Variants in SFXN2 observed in about 807,000 individuals in gnomAD.
SFXN2 encodes sideroflexin-2.
Under a neutral mutation model 41.9 loss-of-function variants are expected in SFXN2, and 37 were observed. That is an observed-to-expected ratio of 0.88 (90% CI 0.68 to 1.16). SFXN2 has a LOEUF of 1.16. Among genes scored for constraint, SFXN2 ranks in the 50% most tolerant of loss-of-function variants. The probability of loss-of-function intolerance (pLI) is 0.00; values close to 1 mark genes in which losing one functional copy is unlikely to be tolerated. For missense variants in SFXN2, 386 were observed against 425.2 expected (o/e 0.91, Z 0.81); for synonymous variants, 150 against 156.7 (o/e 0.96, Z 0.32).
rs570576690 is a variant in SFXN2 at position 102,736,364 on chromosome 10, C to T, written c.869+455C>T. Among the ~76,000 whole-genome samples, 15 of 151,792 alleles carry T rather than the reference C, an allele frequency of 9.9e-5. No homozygotes were observed. In the South Asian group the frequency reaches 3.1e-3, roughly 32 times the overall value. ...CCTCCGCCTCCCAGTTCAAGTGATT[C>T]TCCTGCCTCAGCCTCCAGAGTAGCT... On this transcript the variant is annotated intron_variant, in intron 11 of 11. Transcript: ENST00000369893.
intron 5 of SFXN2, 37 bp from the exon 6 acceptor site, chr10:102,729,686 C>T (rs1168768948): frequency 6.2e-7 from 1 of 1,606,146 alleles, no homozygotes; most frequent in African/African-American, 1.3e-5. Flanking sequence ...TCTTCCAGCG[C>T]TTCTGAACAA....
chr10:102,732,070 C>A, intron 7 of SFXN2, 82 bp from the exon 8 acceptor site: 1 of 1,345,524 alleles, frequency 7.4e-7, no homozygotes, highest in South Asian at 1.3e-5. Flanking sequence ...CAGACTTGGC[C>A]ATGATGCTGA....
At chr10:102,735,324 T>C (rs1432781172) in intron 10 of SFXN2, among the ~76,000 whole-genome samples, 1 of 150,868 alleles carries the variant, frequency 6.6e-6, no homozygotes, top group Non-Finnish European at 1.5e-5. Flanking sequence ...CTCCTCCCCA[T>C]CCAAGTTGCT....
intron 10 of SFXN2, among the ~76,000 whole-genome samples, 158 bp from the exon 11 acceptor site, chr10:102,735,704 G>A (rs1321476950): frequency 2.0e-5 from 3 of 152,174 alleles, no homozygotes; most frequent in Admixed American, 1.3e-4. Context: ...GAGTATCCTC[G>A]CACTGCGGGA....
rs1182645834 is a variant in SFXN2 at position 102,739,013 on chromosome 10, T to A, written c.*1251T>A. ...AGGACACACAGCAATGCACAGCCACTTCCCTTCCCCAGCTTGGCTGCCCTA... is the reference window on the plus strand; with the variant it reads ...AGGACACACAGCAATGCACAGCCACATCCCTTCCCCAGCTTGGCTGCCCTA... On this transcript the variant is annotated 3_prime_UTR_variant, in exon 12 of 12. Coordinates refer to ENST00000369893, the MANE Select transcript of SFXN2 (RefSeq NM_178858.6). The A allele has an allele frequency of 6.6e-6, 1 of 152,650 alleles. No homozygotes were observed. The highest frequency in any genetic ancestry group is 6.5e-5 in the Admixed American group (1 of 15,286). 9.5% of individuals were successfully genotyped at this position (152,650 alleles called of 1,614,324 possible). A position where few individuals can be genotyped will look rare whatever the true frequency, so the allele number is the denominator to read the frequency against.
At chr10:102,729,958 C>T (rs1382535316) in intron 6 of SFXN2, 150 bp downstream of exon 6, 2 of 834,432 alleles carry the variant, frequency 2.4e-6, no homozygotes, top group East Asian at 5.3e-5. Context: ...ATTGGCAGCT[C>T]CCATGGTGAT....
At chr10:102,729,907 A>C in intron 6 of SFXN2, 99 bp downstream of exon 6, 1 of 1,333,636 alleles carries the variant, frequency 7.5e-7, no homozygotes, top group Non-Finnish European at 1.1e-6. Context: ...TGCGGTGGGC[A>C]TGGGGAGGGC....
chr10:102,717,749 GA>G (rs1442575481), intron 1 of SFXN2: 2 of 985,296 alleles, frequency 2.0e-6, no homozygotes, highest in African/African-American at 3.5e-5. Flanking sequence ...TTGATGCCAA[GA>G]GACCCAAGAA....
chr10:102,727,548 GGAA>G (rs1459760125), intron 3 of SFXN2: 1 of 165,028 alleles, frequency 6.1e-6, no homozygotes, highest in African/African-American at 2.4e-5. Flanking sequence ...CAAAACAATA[GGAA>G]GTCCCTTTCT....
intron 1 of SFXN2, among the ~76,000 whole-genome samples, chr10:102,719,137 C>T (rs2064464306): frequency 6.6e-6 from 1 of 150,732 alleles, no homozygotes; most frequent in Non-Finnish European, 1.5e-5. Flanking sequence ...GTTAGCCAGG[C>T]TGGTCTCAAA....
intron 1 of SFXN2, among the ~76,000 whole-genome samples, chr10:102,717,364 G>A (rs1174811906): frequency 1.3e-5 from 2 of 152,076 alleles, no homozygotes; most frequent in African/African-American, 2.4e-5. Flanking sequence ...ATCTGACCTC[G>A]TGATCCGTCC....
chr10:102,723,106 A>G (rs1331292938), intron 1 of SFXN2, among the ~76,000 whole-genome samples: 3 of 149,014 alleles, frequency 2.0e-5, no homozygotes, highest in Non-Finnish European at 4.5e-5. Flanking sequence ...TAATTTTTCT[A>G]TTTTTTGGTA....
At chr10:102,727,284 T>C (rs1194276530) in intron 3 of SFXN2, 127 bp downstream of exon 3, 1 of 1,019,326 alleles carries the variant, frequency 9.8e-7, no homozygotes, top group Admixed American at 2.7e-5. Context: ...CTATGCTACA[T>C]TCTTTGCTCG....
Position 102,726,627 on chromosome 10 carries a change from TG to T in SFXN2, c.-9del. 6.2e-7 allele frequency: 1 copy of T among 1,614,088 alleles called. No homozygotes were observed. The highest frequency in any genetic ancestry group is 8.5e-7 in the Non-Finnish European group (1 of 1,179,976). On this transcript the variant is annotated 5_prime_UTR_variant, in exon 2 of 12. Transcript: ENST00000369893. ...TGTCCCTTAGGTCCACAGTTTTATG[TG>T]TGAGCAAGATGGAGGCTGACCTGTC...
intron 2 of SFXN2, 35 bp from the exon 3 acceptor site, chr10:102,726,952 C>T: frequency 4.4e-6 from 7 of 1,586,814 alleles, no homozygotes; most frequent in Non-Finnish European, 6.0e-6. Context: ...ATTGATCAGG[C>T]AGGATGGTGA....
At chr10:102,719,676 T>C (rs1372570273) in intron 1 of SFXN2, among the ~76,000 whole-genome samples, 7 of 152,234 alleles carry the variant, frequency 4.6e-5, no homozygotes, top group Non-Finnish European at 8.8e-5. Context: ...CTCTGTTTCC[T>C]TTCAAGCCTG....
rs753287463 is a variant in SFXN2, at chr10:102,731,747, G to T, written c.618G>T (p.Val206=). 8 of 1,613,882 alleles carry T rather than the reference G, an allele frequency of 5.0e-6. No individual in the cohort carries two copies. Among genetic ancestry groups the T allele is most frequent in the Middle Eastern group, 3.3e-4 (2 of 6,084 alleles). The change falls in exon 7 of 12, where the codon GTG becomes GTT. Residue 206 remains valine (V), a synonymous_variant. Coordinates refer to ENST00000369893, the MANE Select transcript of SFXN2 (RefSeq NM_178858.6). ...GGGAGCTCATAAAGGGAATCTGCGTGAAGGACAGGAATGAAAATGAGATTG... is the reference window on the plus strand; with the variant it reads ...GGGAGCTCATAAAGGGAATCTGCGTTAAGGACAGGAATGAAAATGAGATTG... ...RQQELIKGIC[V]KDRNENEIGH...
chr10:102,718,918 CTTTTTTT>C (rs34471332), intron 1 of SFXN2, among the ~76,000 whole-genome samples: 32 of 74,290 alleles, frequency 4.3e-4, no homozygotes, highest in Admixed American at 1.6e-3. Context: ...TTCTCGGCTT[CTTTTTTT>C]TTTTTTTTTT....
At position 102,726,682 on chromosome 10, in the gene SFXN2, G is replaced by T. The variant is rs747867526; in HGVS notation, c.46G>T (p.Asp16Tyr). The change falls in exon 2 of 12, where the codon GAC becomes TAC. Residue 16 changes from aspartate to tyrosine, a missense_variant. By Grantham distance (160) the Asp-to-Tyr change is radical (BLOSUM62 -3). Transcript: ENST00000369893. ...SGFNIDAPRW[D>Y]QRTFLGRVKH... ...CTTTAACATCGATGCCCCCCGTTGG[G>T]ACCAGCGCACCTTCCTGGGGAGAGT... 6.2e-7 allele frequency: 1 copy of T among 1,614,192 alleles called. No individual in the cohort carries two copies. The highest frequency in any genetic ancestry group is 1.7e-5 in the Admixed American group (1 of 60,024).
Sources: gnomAD v4.1 joint callset for allele counts (sites outside exome capture counted in the v4.1 genomes callset) on GRCh38, gnomAD v4.1.1 for gene constraint, MANE v1.5 for transcripts, NCBI Gene and HGNC (gene_info 2026-07-23, HGNC 2026-07-21) for gene names.